TAB2: variants seen among roughly 807,000 people sequenced by gnomAD.
The protein encoded by TAB2 is TGF-beta-activated kinase 1 and MAP3K7-binding protein 2.
In TAB2, 3 loss-of-function variants were observed where a neutral mutation model predicts 65.0. The observed-to-expected ratio is 0.05, with a 90% CI of 0.02 to 0.12. TAB2 has a LOEUF of 0.12. Among genes scored for constraint, TAB2 ranks in the 10% least tolerant of loss-of-function variants. The probability of loss-of-function intolerance (pLI) is 1.00; values close to 1 mark genes in which losing one functional copy is unlikely to be tolerated. For synonymous variants in TAB2, 298 were observed against 285.1 expected, an observed-to-expected ratio of 1.05 and a Z score of -0.46; for missense variants, 623 against 840.3, an observed-to-expected ratio of 0.74 and a Z score of 3.20.
At chr6:149,333,710 TGTG>T (rs1779850362) in intron 1 of TAB2, among the ~76,000 whole-genome samples, 1 of 104,008 alleles carries the variant, frequency 9.6e-6, no homozygotes, top group Non-Finnish European at 1.7e-5. Flanking sequence ...AGATCCATAG[TGTG>T]TGTGTGTGTG....
At chr6:149,327,211 G>A (rs776465843) in intron 1 of TAB2, among the ~76,000 whole-genome samples, 1 of 152,028 alleles carries the variant, frequency 6.6e-6, no homozygotes, top group South Asian at 2.1e-4. Flanking sequence ...TTCTATTAGG[G>A]TTGTCATCAT....
intron 1 of TAB2, among the ~76,000 whole-genome samples, chr6:149,308,242 C>T (rs1033499558): frequency 1.3e-5 from 2 of 152,124 alleles, no homozygotes; most frequent in African/African-American, 4.8e-5. Flanking sequence ...AGAGGTCAAA[C>T]AGTTTGCATA....
intron 1 of TAB2, among the ~76,000 whole-genome samples, chr6:149,348,539 G>C (rs1780378169): frequency 6.6e-6 from 1 of 151,938 alleles, no homozygotes; most frequent in African/African-American, 2.4e-5. Context: ...AATAGTCAGT[G>C]GTTGAGCCAG....
At chr6:149,300,706 A>C (rs1583072519) in intron 1 of TAB2, among the ~76,000 whole-genome samples, 1 of 152,222 alleles carries the variant, frequency 6.6e-6, no homozygotes, top group South Asian at 2.1e-4. Flanking sequence ...TGGTTAAAAG[A>C]AAGACCCAAT....
chr6:149,343,474 A>G (rs962587973), intron 1 of TAB2, among the ~76,000 whole-genome samples: 1 of 151,408 alleles, frequency 6.6e-6, no homozygotes, highest in African/African-American at 2.4e-5. Flanking sequence ...TCCGTCTCAA[A>G]AAAAAAAAAA....
intron 6 of TAB2, among the ~76,000 whole-genome samples, chr6:149,402,331 C>G (rs1230985490): frequency 6.6e-6 from 1 of 151,832 alleles, no homozygotes; most frequent in Non-Finnish European, 1.5e-5. Flanking sequence ...AAAATTGATA[C>G]ATTCCTATCC....
At chr6:149,275,143 TG>T (rs1778434790) in intron 1 of TAB2, among the ~76,000 whole-genome samples, 42 of 145,188 alleles carry the variant, frequency 2.9e-4, no homozygotes, top group South Asian at 6.6e-4. Context: ...TTTTTTTTTT[TG>T]AGTTGGAGTC....
intron 1 of TAB2, among the ~76,000 whole-genome samples, chr6:149,332,507 T>C (rs1324133266): frequency 1.3e-5 from 2 of 152,162 alleles, no homozygotes; most frequent in African/African-American, 4.8e-5. Context: ...GGATGGATAT[T>C]TAATATGTAC....
At chr6:149,298,441 A>G (rs1386172150) in intron 1 of TAB2, among the ~76,000 whole-genome samples, 5 of 152,202 alleles carry the variant, frequency 3.3e-5, no homozygotes, top group Non-Finnish European at 7.4e-5. Flanking sequence ...AGCCTGGCCA[A>G]TATAGGGAGA....
At chr6:149,334,701 A>C (rs1779882993) in intron 1 of TAB2, among the ~76,000 whole-genome samples, 1 of 152,060 alleles carries the variant, frequency 6.6e-6, no homozygotes, top group Non-Finnish European at 1.5e-5. Flanking sequence ...GAAAACCTTA[A>C]GAGTAGAACA....
At chr6:149,278,136 A>C (rs1778510981) in intron 1 of TAB2, among the ~76,000 whole-genome samples, 1 of 152,204 alleles carries the variant, frequency 6.6e-6, no homozygotes, top group African/African-American at 2.4e-5. Context: ...ATAAAATCTC[A>C]TATTTACAAT....
chr6:149,328,151 CTT>C (rs1372052248), intron 1 of TAB2, among the ~76,000 whole-genome samples: 1 of 152,188 alleles, frequency 6.6e-6, no homozygotes, highest in Non-Finnish European at 1.5e-5. Context: ...AGTATATCAA[CTT>C]TTATAGAATA....
intron 1 of TAB2, among the ~76,000 whole-genome samples, chr6:149,365,470 T>G (rs1185977467): frequency 6.6e-6 from 1 of 152,180 alleles, no homozygotes; most frequent in Non-Finnish European, 1.5e-5. Flanking sequence ...GTCATTTCAC[T>G]GTCTTCTGAT....
At chr6:149,303,530 T>C (rs1408663322) in intron 1 of TAB2, among the ~76,000 whole-genome samples, 1 of 152,210 alleles carries the variant, frequency 6.6e-6, no homozygotes, top group Non-Finnish European at 1.5e-5. Flanking sequence ...CATAAATCTA[T>C]GTATGTTTAC....
At chr6:149,240,872 TCC>T (rs1777584710) in intron 1 of TAB2, among the ~76,000 whole-genome samples, 1 of 152,134 alleles carries the variant, frequency 6.6e-6, no homozygotes, top group Non-Finnish European at 1.5e-5. Context: ...GTCATGCCCC[TCC>T]CCTAAATGCA....
At chr6:149,269,522 C>A (rs1778322542) in intron 1 of TAB2, among the ~76,000 whole-genome samples, 1 of 152,096 alleles carries the variant, frequency 6.6e-6, no homozygotes, top group Admixed American at 6.6e-5. Context: ...TGTGTAACCA[C>A]CACCAGGATG....
chr6:149,263,365 T>C (rs1458258248), intron 1 of TAB2, among the ~76,000 whole-genome samples: 1 of 152,252 alleles, frequency 6.6e-6, no homozygotes, highest in Non-Finnish European at 1.5e-5. Flanking sequence ...TTTTTTTACC[T>C]AAATTTAACA....
chr6:149,393,969 G>A (rs557767377), intron 3 of TAB2, among the ~76,000 whole-genome samples: 2 of 152,078 alleles, frequency 1.3e-5, no homozygotes, highest in East Asian at 1.9e-4. Context: ...TGATCTATGG[G>A]CTTCTTAGAT....
chr6:149,366,529 A>G (rs1353720738), intron 1 of TAB2, among the ~76,000 whole-genome samples: 1 of 152,110 alleles, frequency 6.6e-6, no homozygotes, highest in Non-Finnish European at 1.5e-5. Flanking sequence ...AGTGTTAGCT[A>G]CCCAAACTAA....
Sources: allele counts gnomAD v4.1 joint callset (sites outside exome capture counted in the v4.1 genomes callset), GRCh38; gene constraint gnomAD v4.1.1; transcripts MANE v1.5; gene names NCBI Gene and HGNC (gene_info 2026-07-23, HGNC 2026-07-21).